The following TTN variants were observed in gnomAD, a reference collection of about 807,000 sequenced individuals.
TTN encodes connectin.
TTN carries 1,525 observed loss-of-function variants against 3,223.0 expected under a neutral mutation model. The ratio of observed to expected loss-of-function variants is 0.47; its 90% CI spans 0.45 to 0.49. TTN has a LOEUF of 0.49. TTN is among the 20% of genes least tolerant of loss of function. TTN has a pLI of 0.00. For missense variants in TTN, 40,786 were observed against 43,424.0 expected (o/e 0.94, Z 5.40); for synonymous variants, 14,094 against 15,161.0 (o/e 0.93, Z 5.17).
At chr2:178,753,718 T>C (rs1261850913) in intron 46 of TTN, 1 of 155,642 alleles carries the variant, frequency 6.4e-6, no homozygotes, top group Non-Finnish European at 1.4e-5. Context: ...ACAAGGAATA[T>C]GCACAGCTTT....
rs1281939698 is a variant in TTN, at chr2:178,619,674, T to A, written c.46643A>T (p.Glu15548Val). ...TTTGTCTTTGGCAATAAATCTGTAT[T>A]CACCCTGGTCACGGGGCTTAATATC... ...ICDIKPRDQGEYRFIAKDKEA... is the reference protein window; with the variant it reads ...ICDIKPRDQGVYRFIAKDKEA... The change falls in exon 250 of 363, where the codon GAA becomes GTA. Residue 15548 changes from glutamate (E) to valine (V), a missense_variant. Glu to Val is a moderately radical substitution (Grantham distance 121, BLOSUM62 -2). Coordinates refer to ENST00000589042, the MANE Select transcript of TTN (RefSeq NM_001267550.2). 6.2e-7 allele frequency: 1 copy of A among 1,612,204 alleles called. No individual in the cohort carries two copies. The highest frequency in any genetic ancestry group is 1.7e-5 in the Admixed American group (1 of 59,860).
chr2:178,527,905 A>G (rs1687158381), intron 361 of TTN, 157 bp from the exon 362 acceptor site: 6 of 636,964 alleles, frequency 9.4e-6, no homozygotes, highest in East Asian at 2.8e-5. Context: ...ATATACATAC[A>G]TTTGTCAAGA....
At chr2:178,783,586 G>A in intron 17 of TTN, 134 bp downstream of exon 17, 1 of 777,640 alleles carries the variant, frequency 1.3e-6, no homozygotes, top group Non-Finnish European at 2.1e-6. Flanking sequence ...ACCAAATACG[G>A]TCTTAAAATG....
chr2:178,607,482 G>A lies in TTN; in HGVS notation c.53206C>T (p.Arg17736Ter), dbSNP rs571702144. 5 of 1,613,010 alleles carry A rather than the reference G, an allele frequency of 3.1e-6. No homozygotes were observed. The highest frequency in any genetic ancestry group is 2.2e-5 in the East Asian group (1 of 44,792). ...ATCACATATCTGCCATGGTCTTTTC[G>A]CAGTGCATCCTTGATAATTAGTTCA... ...KSELIIKDAL[R>*]KDHGRYVITA... The change falls in exon 277 of 363, where the codon CGA becomes TGA. Residue 17736 changes from arginine (R) to a stop codon, truncating the protein, a stop_gained. Coordinates refer to ENST00000589042, the MANE Select transcript of TTN (RefSeq NM_001267550.2). LOFTEE classifies it high-confidence loss of function.
Position 178,722,046 on chromosome 2 carries a change from A to G in TTN, c.22617T>C (p.Thr7539=). 2.5e-6 allele frequency: 4 copies of G among 1,613,214 alleles called. No individual in the cohort carries two copies. The highest frequency in any genetic ancestry group is 3.4e-6 in the Non-Finnish European group (4 of 1,179,452). The change falls in exon 78 of 363, where the codon ACT becomes ACC. Residue 7539 remains threonine (T), a synonymous_variant. Coordinates refer to ENST00000589042, the MANE Select transcript of TTN (RefSeq NM_001267550.2). ...AAGTGATTCGCATCGGTTGAGCACC[A>G]GTAACATGACACTCAAAATCAGCAC... is the stretch of plus-strand genomic sequence containing the variant. ...GESADFECHV[T]GAQPMRITWS...
chr2:178,716,132 A>G (rs981682592), intron 88 of TTN, among the ~76,000 whole-genome samples: 1 of 152,126 alleles, frequency 6.6e-6, no homozygotes, highest in Admixed American at 6.6e-5. Context: ...TGAGAATTTG[A>G]TTACTGTCTT....
At position 178,732,907 on chromosome 2, in the gene TTN, A is replaced by G; in HGVS notation, c.16269T>C (p.Asp5423=). Residue 5423 remains aspartate (D), a synonymous_variant, in exon 55 of 363, where the codon GAT becomes GAC. Coordinates refer to ENST00000589042, the MANE Select transcript of TTN (RefSeq NM_001267550.2). The part of the protein sequence containing the change: ...SLEIIRVDMN[D]AGNFTCRATN... ...TGGCTCGACAAGTGAAATTCCCTGC[A>G]TCATTCATGTCTACTCTGATGATCT... The G allele has an allele frequency of 6.2e-7, 1 of 1,613,498 alleles. No homozygotes were observed.
In TTN at chr2:178,583,127, C is replaced by T; in HGVS notation, c.65676G>A (p.Met21892Ile). The T allele has an allele frequency of 6.2e-7, 1 of 1,612,190 alleles. No homozygotes were observed. The highest frequency in any genetic ancestry group is 8.5e-7 in the Non-Finnish European group (1 of 1,179,000). ...CLDATVFGKP[M>I]PTVSWKKDGT... Reference sequence around the variant, plus strand: ...CATCTTTTTTCCAAGAAACTGTTGGCATCGGTTTACCAAAAACAGTAGCAT... The same window carrying T: ...CATCTTTTTTCCAAGAAACTGTTGGTATCGGTTTACCAAAAACAGTAGCAT... The change falls in exon 313 of 363, where the codon ATG (methionine) becomes ATA (isoleucine). Residue 21892 changes from methionine (M) to isoleucine (I), a missense_variant. Transcript: ENST00000589042.
rs1451163518 is a variant in TTN at position 178,532,374 on chromosome 2, C to T, written c.104241G>A (p.Arg34747=). The change falls in exon 358 of 363, where the codon AGG becomes AGA. Residue 34747 remains arginine (R), a synonymous_variant. Transcript: ENST00000589042. ...TGTACGCAGCCTGGGCATGCCGTTC[C>T]CTCAGTTCTGCATAACTTGTACTAG... is the stretch of plus-strand genomic sequence containing the variant. The part of the protein sequence containing the change: ...AEASTSYAEL[R]ERHAQAAYRQ... The T allele has an allele frequency of 2.5e-6, 4 of 1,613,938 alleles. No individual in the cohort carries two copies. The highest frequency in any genetic ancestry group is 1.3e-5 in the African/African-American group (1 of 75,028).
chr2:178,731,433 A>C lies in TTN; in HGVS notation c.17333T>G (p.Met5778Arg). 1 of 1,613,758 alleles carries C rather than the reference A, an allele frequency of 6.2e-7. No individual in the cohort carries two copies. Among genetic ancestry groups the C allele is most frequent in the South Asian group, 1.1e-5 (1 of 91,074 alleles). The change falls in exon 59 of 363, where the codon ATG becomes AGG. Residue 5778 changes from methionine (M) to arginine (R), a missense_variant. Physicochemically the swap from Met to Arg is moderately conservative, Grantham distance 91. Coordinates refer to ENST00000589042, the MANE Select transcript of TTN (RefSeq NM_001267550.2). ...ACTGGCCACATTGTTCTCAAAGGTC[A>C]TTCTTATATTATCGTCTTCAGTGAT... is the stretch of plus-strand genomic sequence containing the variant. ...DEITEDDNIR[M>R]TFENNVASLY...
chr2:178,680,477 AC>A (rs2069124410), intron 138 of TTN, 146 bp from the exon 139 acceptor site: 1 of 702,364 alleles, frequency 1.4e-6, no homozygotes, highest in Non-Finnish European at 2.4e-6. Context: ...GAAACTATAT[AC>A]TCTCTGTGGA....
intron 220 of TTN, among the ~76,000 whole-genome samples, chr2:178,640,852 A>G (rs1015558393): frequency 5.3e-5 from 8 of 151,858 alleles, no homozygotes; most frequent in South Asian, 2.1e-4. Flanking sequence ...CTCTCCTTCT[A>G]AATCACTTCT....
At position 178,609,391 on chromosome 2, in the gene TTN, C is replaced by T; in HGVS notation, c.51919G>A (p.Glu17307Lys). The change falls in exon 273 of 363, where the codon GAA becomes AAA. Residue 17307 changes from glutamate to lysine, a missense_variant. Coordinates refer to ENST00000589042, the MANE Select transcript of TTN (RefSeq NM_001267550.2). ...AAPLVRRRKG[E>K]VQEEEPFVLP... ...ACAAATGGTTCTTCTTCTTGAACTTCACCCTTCCTTCTCCTAACCAAGGGT... is the reference window on the plus strand; with the variant it reads ...ACAAATGGTTCTTCTTCTTGAACTTTACCCTTCCTTCTCCTAACCAAGGGT... 1.2e-6 allele frequency: 2 copies of T among 1,612,328 alleles called. No individual in the cohort carries two copies. Among genetic ancestry groups the T allele is most frequent in the African/African-American group, 1.3e-5 (1 of 74,938 alleles).
chr2:178,694,489 C>A, intron 117 of TTN, 110 bp downstream of exon 117: 1 of 637,742 alleles, frequency 1.6e-6, no homozygotes, highest in South Asian at 3.0e-5. Context: ...TAAAAATGTG[C>A]TGTTTTTGGT....
chr2:178,680,449 G>A (rs2069110961), intron 138 of TTN, 118 bp from the exon 139 acceptor site: 6 of 821,588 alleles, frequency 7.3e-6, no homozygotes, highest in Non-Finnish European at 1.2e-5. Context: ...AGATACATAT[G>A]CGATTGTTCA....
At chr2:178,536,890 A>G in intron 356 of TTN, 48 bp downstream of exon 356, 1 of 1,475,478 alleles carries the variant, frequency 6.8e-7, no homozygotes, top group African/African-American at 1.4e-5. Flanking sequence ...ATTTTATGCA[A>G]AGATGGAACT....
rs776974076 is a variant in TTN, at chr2:178,532,379, G to C, written c.104236C>G (p.Leu34746Val). The C allele has an allele frequency of 6.2e-7, 1 of 1,613,982 alleles. No individual in the cohort carries two copies. The highest frequency in any genetic ancestry group is 8.5e-7 in the Non-Finnish European group (1 of 1,179,884). ...GCAGCCTGGGCATGCCGTTCCCTCA[G>C]TTCTGCATAACTTGTACTAGCTTCA... Reference protein sequence around the residue: ...KAEASTSYAELRERHAQAAYR... With the variant: ...KAEASTSYAEVRERHAQAAYR... Residue 34746 changes from leucine (L) to valine (V), a missense_variant, in exon 358 of 363, where the codon CTG becomes GTG. Leu to Val is a conservative substitution (Grantham distance 32). Transcript: ENST00000589042.
chr2:178,635,320 A>G lies in TTN; in HGVS notation c.41885-16T>C, dbSNP rs368838630. ...ACTTCACGCTCTGTATTGGTCAGGG[A>G]TGAAGTAACATAATGCTTTAGACAA... is the stretch of plus-strand genomic sequence containing the variant. On this transcript the variant is annotated splice_polypyrimidine_tract_variant and intron_variant, in intron 227 of 362. Transcript: ENST00000589042. 44 of 1,612,064 alleles carry G rather than the reference A, an allele frequency of 2.7e-5. No individual in the cohort carries two copies. In the African/African-American group the frequency reaches 3.6e-4, roughly 13 times the overall value.
intron 99 of TTN, 72 bp from the exon 100 acceptor site, chr2:178,707,885 TAAA>T: frequency 6.7e-7 from 1 of 1,496,040 alleles, no homozygotes; most frequent in Non-Finnish European, 8.9e-7. Flanking sequence ...GAGAAACAAA[TAAA>T]GAGAAAAACT....
Sources: gnomAD v4.1 joint callset for allele counts (sites outside exome capture counted in the v4.1 genomes callset) on GRCh38, gnomAD v4.1.1 for gene constraint, MANE v1.5 for transcripts, NCBI Gene and HGNC (gene_info 2026-07-23, HGNC 2026-07-21) for gene names.